LTBP2: variants seen among roughly 807,000 people sequenced by gnomAD.
LTBP2 encodes latent transforming growth factor beta binding protein 2.
A neutral mutation model predicts 210.6 loss-of-function variants in LTBP2; 103 were observed. The observed-to-expected ratio is 0.49, with a 90% CI of 0.42 to 0.58. The LOEUF (loss-of-function observed/expected upper bound fraction) is 0.58. LTBP2 is among the 20% of genes least tolerant of loss of function. LTBP2 has a pLI of 0.00. For synonymous variants in LTBP2, 1,007 were observed against 1,015.0 expected (o/e 0.99, Z 0.15); for missense variants, 2,313 against 2,494.5 (o/e 0.93, Z 1.55).
intron 9 of LTBP2, among the ~76,000 whole-genome samples, chr14:74,534,645 G>A (rs901743088): frequency 6.6e-6 from 1 of 152,158 alleles, no homozygotes; most frequent in Non-Finnish European, 1.5e-5. Flanking sequence ...CTGCACTTGG[G>A]GCAGGACTGT....
intron 12 of LTBP2, among the ~76,000 whole-genome samples, chr14:74,528,219 TG>T (rs1172609401): frequency 6.6e-6 from 1 of 151,812 alleles, no homozygotes; most frequent in Admixed American, 6.6e-5. Flanking sequence ...ATCGCTGGGG[TG>T]GGGGCTGCGG....
intron 3 of LTBP2, among the ~76,000 whole-genome samples, chr14:74,566,102 A>G (rs2087899086): frequency 6.6e-6 from 1 of 151,900 alleles, no homozygotes; most frequent in South Asian, 2.1e-4. Context: ...ATGCATACAT[A>G]GACAATCGTC....
chr14:74,508,123 C>T, intron 24 of LTBP2, 28 bp from the exon 25 acceptor site: 2 of 1,613,062 alleles, frequency 1.2e-6, no homozygotes, highest in Admixed American at 1.7e-5. Flanking sequence ...GTCAGCAGAC[C>T]CAGCCACGGG....
At chr14:74,518,043 G>A (rs1053431926) in intron 17 of LTBP2, among the ~76,000 whole-genome samples, 3 of 152,122 alleles carry the variant, frequency 2.0e-5, no homozygotes, top group South Asian at 4.1e-4. Context: ...CTTTCCTCAC[G>A]ATGGCCAGCA....
At chr14:74,530,075 C>T (rs2087330406) in intron 10 of LTBP2, among the ~76,000 whole-genome samples, 1 of 152,196 alleles carries the variant, frequency 6.6e-6, no homozygotes, top group Non-Finnish European at 1.5e-5. Flanking sequence ...ATGATTCCAT[C>T]GCAGGGGACA....
At chr14:74,512,353 T>C (rs1440135493) in intron 18 of LTBP2, among the ~76,000 whole-genome samples, 3 of 152,198 alleles carry the variant, frequency 2.0e-5, no homozygotes, top group Non-Finnish European at 4.4e-5. Context: ...GTCATTCTTC[T>C]AGAGGAAGTC....
chr14:74,596,756 T>C (rs2088370724), intron 2 of LTBP2, among the ~76,000 whole-genome samples: 1 of 152,198 alleles, frequency 6.6e-6, no homozygotes, highest in African/African-American at 2.4e-5. Context: ...GGTGTCCCTG[T>C]AGCCCCTGGG....
chr14:74,553,088 G>A (rs1566635614), intron 4 of LTBP2, 26 bp from the exon 5 acceptor site: 1 of 1,612,892 alleles, frequency 6.2e-7, no homozygotes, highest in East Asian at 2.2e-5. Flanking sequence ...TTGGGTCCAG[G>A]GGGCAGGGCT....
Position 74,605,773 on chromosome 14 carries a change from T to A in LTBP2, c.495-2068A>T, listed in dbSNP as rs1394511530. Among the ~76,000 whole-genome samples the A allele has an allele frequency of 2.6e-5, 4 of 152,166 alleles. No individual in the cohort carries two copies. In the East Asian group the frequency reaches 7.7e-4, roughly 29 times the overall value. On this transcript the variant is annotated intron_variant, in intron 1 of 35. Transcript: ENST00000261978. ...CTCAGGATGGCTTTGCAGCTGACTG[T>A]GGGAGGGCAGGGGCCAACCTTGCTT...
chr14:74,505,419 T>C (rs939867651), intron 28 of LTBP2, among the ~76,000 whole-genome samples: 4 of 152,294 alleles, frequency 2.6e-5, no homozygotes, highest in Admixed American at 2.6e-4. Context: ...TATTAAGCAG[T>C]GCAGCAGGGA....
intron 13 of LTBP2, among the ~76,000 whole-genome samples, chr14:74,527,099 C>A (rs1849118643): frequency 6.6e-6 from 1 of 152,212 alleles, no homozygotes; most frequent in Non-Finnish European, 1.5e-5. Flanking sequence ...CCCAGCCCAT[C>A]CCAAATGGGA....
chr14:74,541,654 G>A (rs2087509897), intron 8 of LTBP2, among the ~76,000 whole-genome samples: 1 of 151,954 alleles, frequency 6.6e-6, no homozygotes, highest in Non-Finnish European at 1.5e-5. Flanking sequence ...GGGGTGTCTA[G>A]GCAGAAAACC....
chr14:74,569,193 A>AGGGAGGGG (rs2087942203), intron 3 of LTBP2, among the ~76,000 whole-genome samples: 1 of 33,348 alleles, frequency 3.0e-5, no homozygotes, highest in Non-Finnish European at 6.8e-5. Context: ...GGAGGGAGGG[A>AGGGAGGGG]GGGAGGGAGG....
intron 3 of LTBP2, among the ~76,000 whole-genome samples, chr14:74,571,884 A>T (rs2087983306): frequency 6.6e-6 from 1 of 152,178 alleles, no homozygotes; most frequent in African/African-American, 2.4e-5. Flanking sequence ...TGCAAGGAAC[A>T]GGGATTTTTT....
chr14:74,611,089 C>T (rs1169627624), intron 1 of LTBP2, among the ~76,000 whole-genome samples: 1 of 152,238 alleles, frequency 6.6e-6, no homozygotes, highest in Non-Finnish European at 1.5e-5. Flanking sequence ...CGCCCACCCT[C>T]CTGCCCTCTC....
chr14:74,525,608 C>T (rs2087262430), intron 14 of LTBP2, among the ~76,000 whole-genome samples: 1 of 152,210 alleles, frequency 6.6e-6, no homozygotes, highest in Admixed American at 6.5e-5. Flanking sequence ...ATACCAACAT[C>T]TTATTTGCTT....
chr14:74,505,904 A>C, intron 28 of LTBP2, 144 bp downstream of exon 28: 4 of 1,148,148 alleles, frequency 3.5e-6, no homozygotes, highest in African/African-American at 3.0e-5. Context: ...TCCATGCACC[A>C]GGCCCCGCCT....
chr14:74,569,249 G>A (rs1053034528), intron 3 of LTBP2, among the ~76,000 whole-genome samples: 35 of 152,114 alleles, frequency 2.3e-4, no homozygotes, highest in Non-Finnish European at 5.9e-5. Context: ...TCAGTTGCCC[G>A]ACTCAGAGAA....
Position 74,611,952 on chromosome 14 carries a change from G to T in LTBP2, c.-8C>A, listed in dbSNP as rs528746100. 1.1e-5 allele frequency: 17 copies of T among 1,569,532 alleles called. No individual in the cohort carries two copies. In the South Asian group the frequency reaches 1.7e-4, roughly 16 times the overall value. On this transcript the variant is annotated 5_prime_UTR_variant, in exon 1 of 36. Coordinates refer to ENST00000261978, the MANE Select transcript of LTBP2 (RefSeq NM_000428.3). ...TTTGGTCCGCGGCCTCATGGCGCGG[G>T]GCGGCTGGAGAGTGGTGCGCGCGGG... is the stretch of plus-strand genomic sequence containing the variant.
Sources: allele counts gnomAD v4.1 joint callset (sites outside exome capture counted in the v4.1 genomes callset), GRCh38; gene constraint gnomAD v4.1.1; transcripts MANE v1.5; gene names NCBI Gene and HGNC (gene_info 2026-07-23, HGNC 2026-07-21).